Variants in RETREG1 observed in about 807,000 individuals in gnomAD.
The protein encoded by RETREG1 is family with sequence similarity 134 member B.
Under a neutral mutation model 54.8 loss-of-function variants are expected in RETREG1, and 44 were observed. The observed-to-expected ratio is 0.80, with a 90% confidence interval of 0.63 to 1.03. The LOEUF (loss-of-function observed/expected upper bound fraction) is 1.03, where lower values mean the gene tolerates loss of function less well. Among genes scored for constraint, RETREG1 ranks in the 50% least tolerant of loss-of-function variants. The pLI, the probability that RETREG1 is intolerant of heterozygous loss-of-function variation, is 0.00. For synonymous variants in RETREG1, 217 were observed against 238.5 expected, an observed-to-expected ratio of 0.91 and a Z score of 0.83; for missense variants, 554 against 605.1, an observed-to-expected ratio of 0.92 and a Z score of 0.89.
intron 2 of RETREG1, among the ~76,000 whole-genome samples, chr5:16,571,703 G>A (rs143126850): frequency 1.4e-3 from 220 of 152,164 alleles, no homozygotes; most frequent in African/African-American, 4.8e-3. Context: ...CATCATGTGA[G>A]ATGTAATAAA....
chr5:16,590,872 AACAT>A (rs771530085), intron 1 of RETREG1, among the ~76,000 whole-genome samples: 4 of 113,844 alleles, frequency 3.5e-5, no homozygotes, highest in Non-Finnish European at 8.9e-5. Context: ...CACACATGCA[AACAT>A]ACACACACAC....
chr5:16,532,066 G>A (rs1740933631), intron 3 of RETREG1, among the ~76,000 whole-genome samples: 1 of 152,208 alleles, frequency 6.6e-6, no homozygotes, highest in Non-Finnish European at 1.5e-5. Flanking sequence ...ACAGACACAG[G>A]AAGGTACACT....
At chr5:16,525,974 G>T (rs185843355) in intron 3 of RETREG1, among the ~76,000 whole-genome samples, 2 of 152,266 alleles carry the variant, frequency 1.3e-5, no homozygotes, top group South Asian at 2.1e-4. Flanking sequence ...TCAATTAATT[G>T]GATGAGGCTC....
intron 3 of RETREG1, among the ~76,000 whole-genome samples, chr5:16,542,217 TC>T (rs1741270644): frequency 6.6e-6 from 1 of 152,186 alleles, no homozygotes; most frequent in Admixed American, 6.5e-5. Flanking sequence ...CCACCACTGC[TC>T]TCTCTGTCAC....
chr5:16,605,877 T>TA (rs1210432978), intron 1 of RETREG1, among the ~76,000 whole-genome samples: 2 of 152,130 alleles, frequency 1.3e-5, no homozygotes, highest in African/African-American at 4.8e-5. Context: ...CATGACCTAA[T>TA]AGCCTCCTAA....
intron 3 of RETREG1, among the ~76,000 whole-genome samples, chr5:16,556,264 T>A (rs1741704816): frequency 6.6e-6 from 1 of 151,932 alleles, no homozygotes; most frequent in Non-Finnish European, 1.5e-5. Flanking sequence ...GTTCACGCCA[T>A]TCTCCTGCCT....
intron 3 of RETREG1, among the ~76,000 whole-genome samples, chr5:16,560,688 G>A (rs908461776): frequency 6.6e-6 from 1 of 152,190 alleles, no homozygotes; most frequent in Non-Finnish European, 1.5e-5. Flanking sequence ...ATCCCACATG[G>A]CTCACATGAG....
chr5:16,508,495 A>T, intron 3 of RETREG1: 2 of 1,289,208 alleles, frequency 1.6e-6, no homozygotes, highest in Non-Finnish European at 2.2e-6. Context: ...ACTCCTTTTT[A>T]AATTAGTCAT....
chr5:16,559,958 T>C (rs557990404), intron 3 of RETREG1, among the ~76,000 whole-genome samples: 27 of 152,374 alleles, frequency 1.8e-4, no homozygotes, highest in African/African-American at 6.5e-4. Flanking sequence ...TCACAGATTG[T>C]AGAGTTAGTG....
chr5:16,584,574 C>T (rs1742576546), intron 1 of RETREG1, among the ~76,000 whole-genome samples: 1 of 152,162 alleles, frequency 6.6e-6, no homozygotes, highest in Non-Finnish European at 1.5e-5. Flanking sequence ...CAGATCATCA[C>T]ATTTTGCTGG....
intron 3 of RETREG1, among the ~76,000 whole-genome samples, chr5:16,496,269 C>G (rs908580383): frequency 6.6e-6 from 1 of 152,206 alleles, no homozygotes; most frequent in African/African-American, 2.4e-5. Flanking sequence ...GAGAGCAGTT[C>G]ATTTCTCCCT....
rs78314670 is a variant in RETREG1, at chr5:16,572,044, G to C, written c.379C>G (p.Arg127Gly). 6.2e-7 allele frequency: 1 copy of C among 1,613,352 alleles called. No homozygotes were observed. Among genetic ancestry groups the C allele is most frequent in the Non-Finnish European group, 8.5e-7 (1 of 1,179,548 alleles). The change falls in exon 2 of 9, where the codon CGT becomes GGT. Residue 127 changes from arginine (R) to glycine (G), a missense_variant. Transcript: ENST00000306320. The part of the protein sequence containing the change: ...YHLISVMILG[R>G]VIMQIIKDMV... The stretch of plus-strand genomic sequence containing the variant: ...TCCTTTATTATTTGCATAATAACAC[G>C]CCCAAGTATCATGACGGAAATCAGG...
At chr5:16,580,046 T>A (rs1415033850) in intron 1 of RETREG1, among the ~76,000 whole-genome samples, 1 of 152,274 alleles carries the variant, frequency 6.6e-6, no homozygotes, top group African/African-American at 2.4e-5. Flanking sequence ...CCAAGGGTTC[T>A]ATTTTTCAGA....
intron 1 of RETREG1, among the ~76,000 whole-genome samples, chr5:16,576,707 C>G (rs1480797635): frequency 2.0e-5 from 3 of 152,136 alleles, no homozygotes; most frequent in Admixed American, 2.0e-4. Flanking sequence ...GTCTCGAACT[C>G]CTGACCTCAG....
At chr5:16,543,836 A>G (rs1741313479) in intron 3 of RETREG1, among the ~76,000 whole-genome samples, 1 of 152,140 alleles carries the variant, frequency 6.6e-6, no homozygotes, top group African/African-American at 2.4e-5. Context: ...AAATCGGCAT[A>G]GTGGTATCTC....
chr5:16,509,399 C>T (rs1458052982), intron 3 of RETREG1: 1 of 152,192 alleles, frequency 6.6e-6, no homozygotes, highest in Admixed American at 6.6e-5. Context: ...AACGCTTTCT[C>T]CCCAGGACTT....
intron 1 of RETREG1, among the ~76,000 whole-genome samples, chr5:16,590,658 A>G (rs922051619): frequency 1.1e-4 from 17 of 152,202 alleles, no homozygotes; most frequent in African/African-American, 4.1e-4. Flanking sequence ...TTATTTTGTG[A>G]AGTGATGGCA....
chr5:16,592,111 C>A (rs536997612), intron 1 of RETREG1, among the ~76,000 whole-genome samples: 2 of 152,160 alleles, frequency 1.3e-5, no homozygotes, highest in Non-Finnish European at 2.9e-5. Flanking sequence ...TGCCCTCGGT[C>A]GAGCCAGTCT....
chr5:16,487,203 T>C (rs1001872426), intron 3 of RETREG1, among the ~76,000 whole-genome samples: 1 of 152,260 alleles, frequency 6.6e-6, no homozygotes, highest in African/African-American at 2.4e-5. Flanking sequence ...CTTCTGTGAC[T>C]GACGCTCAAC....
Sources: allele counts gnomAD v4.1 joint callset (sites outside exome capture counted in the v4.1 genomes callset), GRCh38; gene constraint gnomAD v4.1.1; transcripts MANE v1.5; gene names NCBI Gene and HGNC (gene_info 2026-07-23, HGNC 2026-07-21).